Variants in ZNF385D observed in about 807,000 individuals in gnomAD.
The protein encoded by ZNF385D is zinc finger protein 385D.
Under a neutral mutation model 35.8 loss-of-function variants are expected in ZNF385D, and 15 were observed. The observed-to-expected ratio is 0.42, with a 90% CI of 0.28 to 0.64. The LOEUF (loss-of-function observed/expected upper bound fraction) is 0.64. Among genes scored for constraint, ZNF385D ranks in the 30% least tolerant of loss-of-function variants. The pLI is 0.23. For synonymous variants in ZNF385D, 212 were observed against 186.8 expected, an observed-to-expected ratio of 1.13 and a Z score of -1.10; for missense variants, 474 against 494.6, an observed-to-expected ratio of 0.96 and a Z score of 0.39.
At chr3:21,615,175 C>T (rs1053679573) in intron 2 of ZNF385D, among the ~76,000 whole-genome samples, 2 of 152,070 alleles carry the variant, frequency 1.3e-5, no homozygotes, top group African/African-American at 2.4e-5. Context: ...GACATGGTGC[C>T]CTCACCATGG....
At chr3:21,816,757 G>C (rs150474284) in intron 3 of ZNF385D, among the ~76,000 whole-genome samples, 1 of 152,120 alleles carries the variant, frequency 6.6e-6, no homozygotes, top group Non-Finnish European at 1.5e-5. Flanking sequence ...TGGCCATACT[G>C]CCCAAGGTAA....
At chr3:21,426,158 A>G (rs952415615) in intron 5 of ZNF385D, among the ~76,000 whole-genome samples, 7 of 152,166 alleles carry the variant, frequency 4.6e-5, no homozygotes, top group Non-Finnish European at 7.3e-5. Flanking sequence ...TTAAATACCC[A>G]CTTTCTAAAC....
intron 3 of ZNF385D, among the ~76,000 whole-genome samples, chr3:21,967,585 G>A (rs1392409113): frequency 6.6e-6 from 1 of 152,146 alleles, no homozygotes; most frequent in African/African-American, 2.4e-5. Flanking sequence ...TCTGCCCATT[G>A]GCTTCTTCCT....
At chr3:21,992,779 C>T (rs999299864) in intron 3 of ZNF385D, among the ~76,000 whole-genome samples, 3 of 152,112 alleles carry the variant, frequency 2.0e-5, no homozygotes, top group African/African-American at 7.2e-5. Context: ...TTACTCTCTT[C>T]TGTCTTGTTA....
chr3:21,989,116 G>A (rs1443944892), intron 3 of ZNF385D, among the ~76,000 whole-genome samples: 1 of 152,140 alleles, frequency 6.6e-6, no homozygotes, highest in African/African-American at 2.4e-5. Flanking sequence ...CCCGTCTTCT[G>A]CGTCGCTCAC....
intron 3 of ZNF385D, among the ~76,000 whole-genome samples, chr3:21,828,402 A>C (rs185727474): frequency 6.6e-6 from 1 of 152,310 alleles, no homozygotes; most frequent in East Asian, 1.9e-4. Context: ...GTTTTACTAC[A>C]TTTTGGTGCC....
At chr3:22,327,119 A>C (rs187768608) in intron 2 of ZNF385D, among the ~76,000 whole-genome samples, 8 of 152,174 alleles carry the variant, frequency 5.3e-5, no homozygotes, top group Non-Finnish European at 4.4e-5. Flanking sequence ...GTGAATTCTG[A>C]AGATTGTCGG....
At chr3:21,590,534 G>T (rs191846956) in intron 2 of ZNF385D, among the ~76,000 whole-genome samples, 32 of 150,436 alleles carry the variant, frequency 2.1e-4, no homozygotes, top group Admixed American at 9.3e-4. Context: ...TATAATGAAC[G>T]TTTGAAAATT....
chr3:22,307,328 T>C (rs952628385), intron 2 of ZNF385D, among the ~76,000 whole-genome samples: 3 of 152,138 alleles, frequency 2.0e-5, no homozygotes, highest in African/African-American at 7.2e-5. Flanking sequence ...AATGCCACAA[T>C]GAAGACTCTA....
chr3:21,426,744 A>C (rs566306672), intron 5 of ZNF385D, among the ~76,000 whole-genome samples: 1 of 152,258 alleles, frequency 6.6e-6, no homozygotes, highest in South Asian at 2.1e-4. Context: ...GCTTCCCAGA[A>C]CCACTAAATG....
chr3:22,130,273 G>A (rs772508302), intron 3 of ZNF385D, among the ~76,000 whole-genome samples: 1 of 152,146 alleles, frequency 6.6e-6, no homozygotes, highest in South Asian at 2.1e-4. Flanking sequence ...GAAGGGTGAT[G>A]CAAGTATCCC....
At chr3:21,463,469 C>T (rs556483687) in intron 4 of ZNF385D, among the ~76,000 whole-genome samples, 55 of 152,250 alleles carry the variant, frequency 3.6e-4, no homozygotes, top group African/African-American at 7.2e-5. Flanking sequence ...CAGAGCTCAG[C>T]GGTTGAGCCC....
At chr3:22,060,873 T>C (rs1410037587) in intron 3 of ZNF385D, among the ~76,000 whole-genome samples, 1 of 152,076 alleles carries the variant, frequency 6.6e-6, no homozygotes, top group Non-Finnish European at 1.5e-5. Flanking sequence ...ATTATTCAAT[T>C]ACCAGACAAT....
intron 3 of ZNF385D, among the ~76,000 whole-genome samples, chr3:21,900,523 G>A (rs768489152): frequency 2.0e-5 from 3 of 151,944 alleles, no homozygotes; most frequent in African/African-American, 4.8e-5. Flanking sequence ...TGAGAAAAGT[G>A]GTTAAGATGC....
rs1010783135 is a variant in ZNF385D at position 21,731,834 on chromosome 3, C to T, written c.22+19061G>A. ...AGCCTTTTCAGACTGGATTCTTTCA[C>T]TTGCTAATATGCATTTAATGTCCCA... On this transcript the variant is annotated intron_variant, in intron 1 of 7. Coordinates refer to ENST00000281523, the MANE Select transcript of ZNF385D (RefSeq NM_024697.3). 2.6e-5 allele frequency among the ~76,000 whole-genome samples: 4 copies of T among 152,052 alleles called. No individual in the cohort carries two copies. In the East Asian group the frequency reaches 7.7e-4, roughly 29 times the overall value.
chr3:22,252,999 T>C (rs1037328331), intron 2 of ZNF385D, among the ~76,000 whole-genome samples: 8 of 152,066 alleles, frequency 5.3e-5, no homozygotes, highest in African/African-American at 1.9e-4. Flanking sequence ...CCCATGAAGA[T>C]GATTGTGCAG....
At chr3:22,246,072 A>T (rs192031923) in intron 2 of ZNF385D, among the ~76,000 whole-genome samples, 11 of 152,282 alleles carry the variant, frequency 7.2e-5, no homozygotes, top group Non-Finnish European at 1.5e-4. Context: ...ACATCATAAC[A>T]GATGCTTGGA....
chr3:21,989,682 A>T (rs957171321), intron 3 of ZNF385D, among the ~76,000 whole-genome samples: 15 of 151,938 alleles, frequency 9.9e-5, no homozygotes, highest in East Asian at 3.9e-4. Flanking sequence ...ATAATAATAA[A>T]AAAAAAAGGA....
chr3:21,678,788 C>T (rs2066808843), intron 1 of ZNF385D, among the ~76,000 whole-genome samples: 1 of 152,072 alleles, frequency 6.6e-6, no homozygotes. Flanking sequence ...CTGATCTGTA[C>T]TGCATATAGT....
Sources: gnomAD v4.1 joint callset for allele counts (sites outside exome capture counted in the v4.1 genomes callset) on GRCh38, gnomAD v4.1.1 for gene constraint, MANE v1.5 for transcripts, NCBI Gene and HGNC (gene_info 2026-07-23, HGNC 2026-07-21) for gene names.